UGT1A9: variants seen among roughly 807,000 people sequenced by gnomAD.
UGT1A9 encodes the protein UDP-glucuronosyltransferase 1A9.
UGT1A9 carries 35 observed loss-of-function variants against 45.0 expected under a neutral mutation model. The observed-to-expected ratio is 0.78, with a 90% confidence interval of 0.59 to 1.03. The LOEUF is 1.03. UGT1A9 is among the 50% of genes least tolerant of loss of function. The pLI is 0.00. For synonymous variants in UGT1A9, 278 were observed against 250.6 expected (o/e 1.11, Z -1.03); for missense variants, 687 against 666.6 (o/e 1.03, Z -0.34).
At chr2:233,698,027 C>G (rs1346477159) in intron 1 of UGT1A9, among the ~76,000 whole-genome samples, 1 of 152,070 alleles carries the variant, frequency 6.6e-6, no homozygotes, top group East Asian at 1.9e-4. Context: ...TACCAATTAT[C>G]TTATTTTTTC....
At chr2:233,699,036 G>A (rs1254635267) in intron 1 of UGT1A9, among the ~76,000 whole-genome samples, 1 of 152,194 alleles carries the variant, frequency 6.6e-6, no homozygotes, top group East Asian at 1.9e-4. Flanking sequence ...GGCAGTCCCA[G>A]ATGTCCTGAA....
At chr2:233,756,820 A>C (rs1170883344) in intron 1 of UGT1A9, among the ~76,000 whole-genome samples, 1 of 152,072 alleles carries the variant, frequency 6.6e-6, no homozygotes, top group Admixed American at 6.5e-5. Context: ...CTCAATTCCA[A>C]GGGGAAAATG....
intron 1 of UGT1A9, among the ~76,000 whole-genome samples, chr2:233,763,329 T>C (rs752568926): frequency 2.0e-5 from 3 of 152,234 alleles, no homozygotes; most frequent in Non-Finnish European, 2.9e-5. Flanking sequence ...ATTATTTTTG[T>C]TTACATTTCC....
At position 233,737,636 on chromosome 2, in the gene UGT1A9, C is replaced by T. The variant is rs531826913; in HGVS notation, c.856-29398C>T. ...AAATGCAGAAATCATCCATCTTCTGCGTCGATCATGCTGGGAGCTGCAGAT... is the reference window on the plus strand; with the variant it reads ...AAATGCAGAAATCATCCATCTTCTGTGTCGATCATGCTGGGAGCTGCAGAT... On this transcript the variant is annotated intron_variant, in intron 1 of 4. Coordinates refer to ENST00000354728, the MANE Select transcript of UGT1A9 (RefSeq NM_021027.3). Among the ~76,000 whole-genome samples the T allele has an allele frequency of 5.3e-5, 8 of 152,322 alleles. No individual in the cohort carries two copies. In the East Asian group the frequency reaches 5.8e-4, roughly 11 times the overall value.
At chr2:233,678,290 T>C (rs900031853) in intron 1 of UGT1A9, among the ~76,000 whole-genome samples, 2 of 152,184 alleles carry the variant, frequency 1.3e-5, no homozygotes, top group African/African-American at 4.8e-5. Flanking sequence ...CCTGCACATG[T>C]ACTCCTGAAT....
At chr2:233,760,224 G>T in intron 1 of UGT1A9, 1 of 1,586,312 alleles carries the variant, frequency 6.3e-7, no homozygotes. Flanking sequence ...TGTATCGATT[G>T]GTTTTTGCCA....
At chr2:233,703,813 C>A (rs1224901765) in intron 1 of UGT1A9, among the ~76,000 whole-genome samples, 1 of 146,756 alleles carries the variant, frequency 6.8e-6, no homozygotes, top group Non-Finnish European at 1.5e-5. Context: ...TAATCTCTGT[C>A]TTTTAATTGA....
chr2:233,761,011 G>A, intron 1 of UGT1A9: 1 of 1,614,156 alleles, frequency 6.2e-7, no homozygotes, highest in Non-Finnish European at 8.5e-7. Flanking sequence ...TCAGAGAGAG[G>A]TGACTGTCCA....
intron 1 of UGT1A9, chr2:233,747,208 G>A (rs1315527949): frequency 4.4e-6 from 7 of 1,605,016 alleles, no homozygotes; most frequent in Non-Finnish European, 5.1e-6. Flanking sequence ...CGTGTCTTCT[G>A]CTGAGATGGC....
chr2:233,763,026 C>T (rs1324231755), intron 1 of UGT1A9, among the ~76,000 whole-genome samples: 1 of 152,138 alleles, frequency 6.6e-6, no homozygotes, highest in African/African-American at 2.4e-5. Flanking sequence ...TTATGTTAGC[C>T]ATTGTTTTCT....
intron 1 of UGT1A9, among the ~76,000 whole-genome samples, chr2:233,733,093 A>C (rs1291548117): frequency 1.3e-5 from 2 of 152,138 alleles, no homozygotes; most frequent in Non-Finnish European, 2.9e-5. Flanking sequence ...GAGTTCACTC[A>C]TGGTTTGGCT....
At chr2:233,687,046 G>A (rs940789522) in intron 1 of UGT1A9, among the ~76,000 whole-genome samples, 1 of 152,158 alleles carries the variant, frequency 6.6e-6, no homozygotes, top group East Asian at 1.9e-4. Flanking sequence ...TTGAGCACGC[G>A]GACCCTGGAG....
chr2:233,718,384 C>A (rs1299175522), intron 1 of UGT1A9, among the ~76,000 whole-genome samples: 1 of 152,166 alleles, frequency 6.6e-6, no homozygotes, highest in Non-Finnish European at 1.5e-5. Flanking sequence ...GAAAGAGTTT[C>A]AAGGGTTAGC....
At chr2:233,715,797 G>A (rs139277356) in intron 1 of UGT1A9, among the ~76,000 whole-genome samples, 22 of 152,256 alleles carry the variant, frequency 1.4e-4, no homozygotes, top group African/African-American at 4.8e-4. Flanking sequence ...TATTTGGAAT[G>A]TGAAAATCTT....
chr2:233,712,762 A>G (rs934056553), intron 1 of UGT1A9, among the ~76,000 whole-genome samples: 48 of 152,180 alleles, frequency 3.2e-4, no homozygotes, highest in Admixed American at 2.4e-3. Flanking sequence ...AGCGAGCGCA[A>G]GGTCAGATGA....
chr2:233,681,996 G>T (rs1178155998), intron 1 of UGT1A9: 1 of 1,614,062 alleles, frequency 6.2e-7, no homozygotes, highest in South Asian at 1.1e-5. Flanking sequence ...CTGCTGACCT[G>T]TGGCTTTGCC....
At chr2:233,701,370 C>T (rs1390957102) in intron 1 of UGT1A9, among the ~76,000 whole-genome samples, 2 of 152,150 alleles carry the variant, frequency 1.3e-5, no homozygotes, top group Non-Finnish European at 2.9e-5. Context: ...TACAAAGAGA[C>T]TTAGACTCCC....
At chr2:233,713,345 CA>C in intron 1 of UGT1A9, 1 of 1,614,188 alleles carries the variant, frequency 6.2e-7, no homozygotes, top group Admixed American at 1.7e-5. Flanking sequence ...CAATTATGAA[CA>C]ATATGTCTTT....
At chr2:233,729,659 G>A in intron 1 of UGT1A9, 1 of 1,613,886 alleles carries the variant, frequency 6.2e-7, no homozygotes, top group Non-Finnish European at 8.5e-7. Context: ...AACATTCCAT[G>A]TGATTTAGAC....
Sources: gnomAD v4.1 joint callset for allele counts (sites outside exome capture counted in the v4.1 genomes callset) on GRCh38, gnomAD v4.1.1 for gene constraint, MANE v1.5 for transcripts, NCBI Gene and HGNC (gene_info 2026-07-23, HGNC 2026-07-21) for gene names.